BTBD16: variants seen among roughly 807,000 people sequenced by gnomAD.
BTBD16 encodes BTB/POZ domain-containing protein 16.
BTBD16 carries 66 observed loss-of-function variants against 67.4 expected under a neutral mutation model. That is an observed-to-expected ratio of 0.98 (90% CI 0.80 to 1.20). BTBD16 has a LOEUF of 1.20. Among genes scored for constraint, BTBD16 ranks in the 50% most tolerant of loss-of-function variants. BTBD16 has a pLI of 0.00. For missense variants in BTBD16, 634 were observed against 616.0 expected, an observed-to-expected ratio of 1.03 and a Z score of -0.31; for synonymous variants, 242 against 236.4, an observed-to-expected ratio of 1.02 and a Z score of -0.22.
chr10:122,288,352 G>C (rs2096367570), intron 5 of BTBD16, among the ~76,000 whole-genome samples: 1 of 152,338 alleles, frequency 6.6e-6, no homozygotes, highest in South Asian at 2.1e-4. Context: ...TTCTCAGTGA[G>C]TATTTACTCA....
intron 12 of BTBD16, chr10:122,332,109 C>T: frequency 4.4e-6 from 1 of 225,666 alleles, no homozygotes. Flanking sequence ...ACCTTGGAGC[C>T]TCCCATGAGG....
At chr10:122,307,352 A>G (rs2096405491) in intron 10 of BTBD16, 44 bp downstream of exon 10, 1 of 1,550,690 alleles carries the variant, frequency 6.4e-7, no homozygotes, top group Non-Finnish European at 8.7e-7. Flanking sequence ...CAAATACTGA[A>G]ATGTACAAAC....
rs1212516619 is a variant in BTBD16, at chr10:122,291,073, T to G, written c.476-7T>G. The G allele has an allele frequency of 6.2e-7, 1 of 1,607,640 alleles. No homozygotes were observed. Among genetic ancestry groups the G allele is most frequent in the East Asian group, 2.2e-5 (1 of 44,626 alleles). On this transcript the variant is annotated splice_polypyrimidine_tract_variant and splice_region_variant and intron_variant, in intron 6 of 15. Coordinates refer to ENST00000260723, the MANE Select transcript of BTBD16 (RefSeq NM_144587.5). ...CACAGATGGCTCGCTTGGCTGTGCCTCCCCAGCCTTCGCCACGGCCCTGAA... is the reference window on the plus strand; with the variant it reads ...CACAGATGGCTCGCTTGGCTGTGCCGCCCCAGCCTTCGCCACGGCCCTGAA...
intron 2 of BTBD16, 121 bp from the exon 3 acceptor site, chr10:122,276,670 A>C (rs2142042385): frequency 7.4e-7 from 1 of 1,355,736 alleles, no homozygotes; most frequent in East Asian, 2.4e-5. Context: ...AGCCATGTTC[A>C]AAAATTAACC....
At chr10:122,278,267 T>A (rs1458424566) in intron 3 of BTBD16, among the ~76,000 whole-genome samples, 1 of 152,044 alleles carries the variant, frequency 6.6e-6, no homozygotes, top group Non-Finnish European at 1.5e-5. Context: ...GAAATGGCAT[T>A]TGGTGCTGGG....
At chr10:122,326,211 A>G (rs984060387) in intron 10 of BTBD16, among the ~76,000 whole-genome samples, 1 of 152,188 alleles carries the variant, frequency 6.6e-6, no homozygotes, top group African/African-American at 2.4e-5. Context: ...GCATAGCATG[A>G]ATTTTTCCCA....
At chr10:122,337,304 T>A (rs1208653929) in intron 15 of BTBD16, among the ~76,000 whole-genome samples, 1 of 152,166 alleles carries the variant, frequency 6.6e-6, no homozygotes, top group African/African-American at 2.4e-5. Flanking sequence ...GGCCAGGGTA[T>A]CAGTATTTTT....
intron 5 of BTBD16, among the ~76,000 whole-genome samples, chr10:122,289,653 G>C (rs1172622843): frequency 6.6e-6 from 1 of 152,110 alleles, no homozygotes; most frequent in Non-Finnish European, 1.5e-5. Context: ...CAGGAGAATA[G>C]CTTGAACCCA....
At chr10:122,329,356 G>GAGGCCCCA (rs969229584) in intron 10 of BTBD16, 124 bp from the exon 11 acceptor site, 1 of 821,716 alleles carries the variant, frequency 1.2e-6, no homozygotes, top group Non-Finnish European at 2.0e-6. Context: ...CAGAGGGACC[G>GAGGCCCCA]AGGCCCCATC....
At chr10:122,277,788 C>A (rs569201075) in intron 3 of BTBD16, among the ~76,000 whole-genome samples, 1 of 152,138 alleles carries the variant, frequency 6.6e-6, no homozygotes, top group African/African-American at 2.4e-5. Flanking sequence ...CCCATTAGGC[C>A]CCACCTCCAA....
intron 15 of BTBD16, among the ~76,000 whole-genome samples, chr10:122,337,625 C>T (rs574224977): frequency 2.6e-5 from 4 of 152,096 alleles, no homozygotes; most frequent in East Asian, 1.9e-4. Context: ...ACACCACACC[C>T]GGCTAATTTT....
chr10:122,321,100 C>A lies in BTBD16; in HGVS notation c.912-8380C>A, dbSNP rs941898350. Among the ~76,000 whole-genome samples, 3 of 152,174 alleles carry A rather than the reference C, an allele frequency of 2.0e-5. No individual in the cohort carries two copies. The East Asian group carries it at 5.8e-4, about 29-fold the overall frequency. ...GCTTCCATTTATAAGTGAGAACATA[C>A]GGTATTTGGTTTTCTGTTTCTGCAT... On this transcript the variant is annotated intron_variant, in intron 10 of 15. Transcript: ENST00000260723.
chr10:122,313,836 A>G (rs568117462), intron 10 of BTBD16, among the ~76,000 whole-genome samples: 31 of 152,258 alleles, frequency 2.0e-4, no homozygotes, highest in Non-Finnish European at 3.5e-4. Context: ...TTTACATGCT[A>G]TGTGTTAAAT....
chr10:122,290,851 G>A (rs894283796), intron 6 of BTBD16, among the ~76,000 whole-genome samples: 8 of 152,210 alleles, frequency 5.3e-5, no homozygotes, highest in African/African-American at 1.7e-4. Flanking sequence ...CTTAAAGGAG[G>A]ATCCTTTCAG....
chr10:122,313,257 G>GTTTTTTTTTTTTTTTTTT (rs58984425), intron 10 of BTBD16, among the ~76,000 whole-genome samples: 5 of 139,138 alleles, frequency 3.6e-5, no homozygotes, highest in Non-Finnish European at 3.1e-5. Flanking sequence ...AGTTAGTGCT[G>GTTTTTTTTTTTTTTTTTT]TTTTTTTTTT....
At chr10:122,284,352 C>G (rs10887120) in intron 4 of BTBD16, among the ~76,000 whole-genome samples, 36,636 of 151,670 alleles carry the variant, frequency 0.24, 4,976 homozygotes, top group East Asian at 0.47. Context: ...AGGAGGCTGA[C>G]GCAGGAGAAT....
chr10:122,284,003 C>T (rs2096358375), intron 4 of BTBD16, 79 bp downstream of exon 4: 3 of 1,083,218 alleles, frequency 2.8e-6, no homozygotes, highest in South Asian at 1.3e-5. Context: ...GGAAGGAGAC[C>T]AGTCCATAAA....
intron 10 of BTBD16, among the ~76,000 whole-genome samples, chr10:122,316,919 C>G (rs932817408): frequency 6.6e-5 from 10 of 152,108 alleles, no homozygotes; most frequent in African/African-American, 1.2e-4. Context: ...TCCTGAGTAG[C>G]TGGGATTACA....
At chr10:122,292,757 C>T (rs552141544) in intron 7 of BTBD16, among the ~76,000 whole-genome samples, 2 of 152,336 alleles carry the variant, frequency 1.3e-5, no homozygotes, top group South Asian at 2.1e-4. Context: ...TCCTGTCCAA[C>T]AGTCTCCATG....
Sources: gnomAD v4.1 joint callset for allele counts (sites outside exome capture counted in the v4.1 genomes callset) on GRCh38, gnomAD v4.1.1 for gene constraint, MANE v1.5 for transcripts, NCBI Gene and HGNC (gene_info 2026-07-23, HGNC 2026-07-21) for gene names.